FOXK1: variants seen among roughly 807,000 people sequenced by gnomAD.
The protein encoded by FOXK1 is forkhead box protein K1.
A neutral mutation model predicts 51.9 loss-of-function variants in FOXK1; 19 were observed. The ratio of observed to expected loss-of-function variants is 0.37; its 90% CI spans 0.26 to 0.54. The LOEUF is 0.54. FOXK1 is among the 20% of genes least tolerant of loss of function. The pLI is 0.87. For synonymous variants in FOXK1, 537 were observed against 482.6 expected, an observed-to-expected ratio of 1.11 and a Z score of -1.48; for missense variants, 870 against 1,032.7, an observed-to-expected ratio of 0.84 and a Z score of 2.16.
Position 4,759,567 on chromosome 7 carries a change from C to G in FOXK1, c.1668C>G (p.Ala556=). The G allele has an allele frequency of 1.3e-6, 2 of 1,538,402 alleles. No individual in the cohort carries two copies. Among genetic ancestry groups the G allele is most frequent in the Non-Finnish European group, 1.7e-6 (2 of 1,147,708 alleles). The change falls in exon 7 of 9, where the codon GCC becomes GCG. Residue 556 remains alanine (A), a synonymous_variant. Coordinates refer to ENST00000328914, the MANE Select transcript of FOXK1 (RefSeq NM_001037165.2). ...AGGSHDAAGA[A]VLDLGSEARG... ...GCTCCCATGATGCGGCGGGCGCAGC[C>G]GTGCTGGACCTGGGCAGCGAGGCCA...
At chr7:4,685,837 G>T (rs1481666250) in intron 1 of FOXK1, among the ~76,000 whole-genome samples, 1 of 151,896 alleles carries the variant, frequency 6.6e-6, no homozygotes, top group Non-Finnish European at 1.5e-5. Flanking sequence ...CAGCTACTTG[G>T]GAGGCTGAGA....
At chr7:4,688,730 C>T (rs747748947) in intron 1 of FOXK1, among the ~76,000 whole-genome samples, 2 of 152,110 alleles carry the variant, frequency 1.3e-5, no homozygotes, top group African/African-American at 2.4e-5. Flanking sequence ...TTCCCCACAC[C>T]TGCCTTTACA....
At chr7:4,752,454 T>C (rs74920159) in intron 2 of FOXK1, among the ~76,000 whole-genome samples, 5,291 of 152,310 alleles carry the variant, frequency 0.035, 303 homozygotes, top group African/African-American at 0.12. Context: ...AGACATGAAT[T>C]TTCTATGATC....
intron 1 of FOXK1, among the ~76,000 whole-genome samples, chr7:4,724,242 C>G (rs1003858366): frequency 6.6e-6 from 1 of 152,162 alleles, no homozygotes; most frequent in African/African-American, 2.4e-5. Context: ...GTCACCCAGG[C>G]TGGAGTGCAG....
rs1780220943 is a variant in FOXK1, at chr7:4,715,354, T to G, written c.561-25484T>G. 6.6e-6 allele frequency among the ~76,000 whole-genome samples: 1 copy of G among 152,078 alleles called. No individual in the cohort carries two copies. Among genetic ancestry groups the G allele is most frequent in the Non-Finnish European group, 1.5e-5 (1 of 68,012 alleles). On this transcript the variant is annotated intron_variant, in intron 1 of 8. Coordinates refer to ENST00000328914, the MANE Select transcript of FOXK1 (RefSeq NM_001037165.2). The surrounding 1 kb of genome is among the most constrained non-coding windows in gnomAD (Gnocchi z 4.5). ...AGCCGATAGGATCAAGCCCAAGTGT[T>G]CAGGGCGCTCAGCTGTGGGTGGCCC...
At position 4,747,070 on chromosome 7, in the gene FOXK1, G is replaced by A. The variant is rs1055587127; in HGVS notation, c.746+6047G>A. Among the ~76,000 whole-genome samples, 3 of 152,166 alleles carry A rather than the reference G, an allele frequency of 2.0e-5. No homozygotes were observed. The highest frequency in any genetic ancestry group is 4.4e-5 in the Non-Finnish European group (3 of 68,036). On this transcript the variant is annotated intron_variant, in intron 2 of 8. Transcript: ENST00000328914. The surrounding 1 kb of genome is among the most constrained non-coding windows in gnomAD (Gnocchi z 9.2). ...TTTGGCGCTAAAGTGTTGGGAGTTC[G>A]GAATGAAGCTTGGTAGGGAAGTCCT...
In FOXK1 at chr7:4,732,469, C is replaced by A. The variant is rs1053035308; in HGVS notation, c.561-8369C>A. 2.9e-4 allele frequency among the ~76,000 whole-genome samples: 44 copies of A among 152,138 alleles called. 1 individual carries two copies. The highest frequency in any genetic ancestry group is 5.6e-4 in the Non-Finnish European group (38 of 68,018). On this transcript the variant is annotated intron_variant, in intron 1 of 8. Coordinates refer to ENST00000328914, the MANE Select transcript of FOXK1 (RefSeq NM_001037165.2). ...CACCACACCTGGCTAATTTCTTAAACAATTTTTAGAGACAGGATCTCACTG... is the reference window on the plus strand; with the variant it reads ...CACCACACCTGGCTAATTTCTTAAAAAATTTTTAGAGACAGGATCTCACTG...
rs182981783 is a variant in FOXK1, at chr7:4,731,227, G to C, written c.561-9611G>C. ...TGCAAGTCAAGCTCTGCTGTTCCCC[G>C]GCCTTCCCTTGAGACTCTTGGGGGC... is the stretch of plus-strand genomic sequence containing the variant. On this transcript the variant is annotated intron_variant, in intron 1 of 8. Transcript: ENST00000328914. The surrounding 1 kb of genome is among the most constrained non-coding windows in gnomAD (Gnocchi z 5.3). Among the ~76,000 whole-genome samples the C allele has an allele frequency of 6.6e-6, 1 of 152,164 alleles. No homozygotes were observed. The highest frequency in any genetic ancestry group is 2.4e-5 in the African/African-American group (1 of 41,434).
rs146685384 is a variant in FOXK1 at position 4,729,663 on chromosome 7, C to A, written c.561-11175C>A. ...GTCTCTCGCCACCTTCCTCCAGGGT[C>A]TTCCTGAGACAGAGACCGAGACTTC... On this transcript the variant is annotated intron_variant, in intron 1 of 8. Coordinates refer to ENST00000328914, the MANE Select transcript of FOXK1 (RefSeq NM_001037165.2). The surrounding 1 kb of genome is among the most constrained non-coding windows in gnomAD (Gnocchi z 6.2). Among the ~76,000 whole-genome samples the A allele has an allele frequency of 2.6e-5, 4 of 152,206 alleles. No homozygotes were observed. The highest frequency in any genetic ancestry group is 7.2e-5 in the African/African-American group (3 of 41,466).
intron 1 of FOXK1, among the ~76,000 whole-genome samples, chr7:4,693,592 G>A (rs1369508188): frequency 6.6e-6 from 1 of 152,166 alleles, no homozygotes; most frequent in Admixed American, 6.5e-5. Context: ...CGCCCAAGCC[G>A]CTCTCTGATG....
chr7:4,760,029 C>CA (rs10644631), intron 7 of FOXK1: 2,070 of 150,324 alleles, frequency 0.014, no homozygotes, highest in Middle Eastern at 0.041. Context: ...AACCCTGTCT[C>CA]AAAAAAAAAA....
chr7:4,759,421 C>T lies in FOXK1; in HGVS notation c.1522C>T (p.Pro508Ser). Residue 508 changes from proline to serine, a missense_variant, in exon 7 of 9, where the codon CCC becomes TCC. By Grantham distance (74) the Pro-to-Ser change is moderately conservative. Around this residue, in one of 3 missense-constraint regions of FOXK1, gnomAD observed 457 missense variants for 510.8 expected, o/e 0.89. Coordinates refer to ENST00000328914, the MANE Select transcript of FOXK1 (RefSeq NM_001037165.2). ...CGCCTCCATCGTAACCTCACAGCAG[C>T]CCGCGGGCCACGCCATCCACGTCGT... Reference protein sequence around the residue: ...MPASIVTSQQPAGHAIHVVQQ... With the variant: ...MPASIVTSQQSAGHAIHVVQQ... 1.3e-6 allele frequency: 2 copies of T among 1,598,602 alleles called. No homozygotes were observed. Among genetic ancestry groups the T allele is most frequent in the Non-Finnish European group, 8.5e-7 (1 of 1,177,188 alleles).
At position 4,761,043 on chromosome 7, in the gene FOXK1, G is replaced by C; in HGVS notation, c.1697-21G>C. 1.9e-6 allele frequency: 3 copies of C among 1,603,168 alleles called. 1 individual carries two copies. The highest frequency in any genetic ancestry group is 2.6e-6 in the Non-Finnish European group (3 of 1,171,756). ...TGTCTCGTTGGCCGAGTGTGGTGCT[G>C]ACTTGGTTCCTGTCCCGCAGGCCTG... On this transcript the variant is annotated intron_variant, in intron 7 of 8. Transcript: ENST00000328914. The surrounding 1 kb of genome is among the most constrained non-coding windows in gnomAD (Gnocchi z 6.2).
rs1780046985 is a variant in FOXK1 at position 4,703,599 on chromosome 7, C to G, written c.560+20731C>G. 6.6e-6 allele frequency among the ~76,000 whole-genome samples: 1 copy of G among 152,196 alleles called. No homozygotes were observed. Among genetic ancestry groups the G allele is most frequent in the Non-Finnish European group, 1.5e-5 (1 of 68,034 alleles). ...CATCTTAGGGTTGGGGACAGAACAT[C>G]ATTAAGAATTGTTTTTATATCTGGC... is the stretch of plus-strand genomic sequence containing the variant. On this transcript the variant is annotated intron_variant, in intron 1 of 8. Transcript: ENST00000328914. This position sits in a 1 kb window ranked among gnomAD's most constrained non-coding sequence, Gnocchi z 5.6.
chr7:4,685,241 T>C lies in FOXK1; in HGVS notation c.560+2373T>C, dbSNP rs1027798654. On this transcript the variant is annotated intron_variant, in intron 1 of 8. Transcript: ENST00000328914. ...ATTTGCTTTTTTTTTTTTTTTTTTT[T>C]CTGTCATGGAGTCTCGCTCTGTTGT... 7.2e-5 allele frequency among the ~76,000 whole-genome samples: 8 copies of C among 111,094 alleles called. No individual in the cohort carries two copies. In the East Asian group the frequency reaches 1.4e-3, roughly 20 times the overall value. 72.9% of individuals were successfully genotyped at this position (111,094 alleles called of 152,430 possible). A position where few individuals can be genotyped will look rare whatever the true frequency, so the allele number is the denominator to read the frequency against.
At chr7:4,727,281 T>G (rs996019238) in intron 1 of FOXK1, among the ~76,000 whole-genome samples, 3 of 152,096 alleles carry the variant, frequency 2.0e-5, no homozygotes, top group Non-Finnish European at 4.4e-5. Context: ...CATGTTAAGG[T>G]TTGCAGGTTA....
intron 1 of FOXK1, among the ~76,000 whole-genome samples, chr7:4,726,364 C>T (rs1780381489): frequency 6.6e-6 from 1 of 152,138 alleles, no homozygotes. Context: ...AAAGCGTTTC[C>T]TCCATCAGCT....
At chr7:4,725,079 C>G (rs77437650) in intron 1 of FOXK1, among the ~76,000 whole-genome samples, 2,001 of 152,376 alleles carry the variant, frequency 0.013, 45 homozygotes, top group African/African-American at 0.045. Flanking sequence ...GCGGTGCACC[C>G]GCCACCCACA....
chr7:4,683,203 CT>C lies in FOXK1; in HGVS notation c.560+336del, dbSNP rs1461180750. On this transcript the variant is annotated intron_variant, in intron 1 of 8. Transcript: ENST00000328914. The surrounding 1 kb of genome is among the most constrained non-coding windows in gnomAD (Gnocchi z 4.5). ...CACCTTGCGGCTCCTGGGGTCACCC[CT>C]GACCTCATCTCCCACCGGCCTGGGC... Among the ~76,000 whole-genome samples, 1 of 151,506 alleles carries C rather than the reference CT, an allele frequency of 6.6e-6. No individual in the cohort carries two copies. The highest frequency in any genetic ancestry group is 1.5e-5 in the Non-Finnish European group (1 of 67,814).
Sources: allele counts gnomAD v4.1 joint callset (sites outside exome capture counted in the v4.1 genomes callset), GRCh38; gene constraint gnomAD v4.1.1; regional missense constraint gnomAD v4.1.1; non-coding constraint Gnocchi (gnomAD v3.1); transcripts MANE v1.5; gene names NCBI Gene and HGNC (gene_info 2026-07-23, HGNC 2026-07-21).